Variants in RGS7 observed in about 807,000 individuals in gnomAD.
RGS7 encodes regulator of G-protein signaling 7.
Under a neutral mutation model 81.1 loss-of-function variants are expected in RGS7, and 27 were observed. That is an observed-to-expected ratio of 0.33 (90% CI 0.25 to 0.46). The LOEUF (loss-of-function observed/expected upper bound fraction) is 0.46, where lower values mean the gene tolerates loss of function less well. Among genes scored for constraint, RGS7 ranks in the 20% least tolerant of loss-of-function variants. The probability of loss-of-function intolerance (pLI) is 1.00; values close to 1 mark genes in which losing one functional copy is unlikely to be tolerated. For missense variants in RGS7, 396 were observed against 607.4 expected (o/e 0.65, Z 3.66); for synonymous variants, 208 against 207.7 (o/e 1.00, Z -0.01).
intron 2 of RGS7, among the ~76,000 whole-genome samples, chr1:241,113,383 T>C (rs1033765441): frequency 3.9e-5 from 6 of 152,208 alleles, no homozygotes; most frequent in African/African-American, 7.2e-5. Flanking sequence ...GTTAAAGTCA[T>C]AGAGACACCT....
chr1:241,280,079 G>A (rs576967730), intron 2 of RGS7, among the ~76,000 whole-genome samples: 1 of 152,308 alleles, frequency 6.6e-6, no homozygotes, highest in East Asian at 1.9e-4. Context: ...CTCAGAACAA[G>A]ATCTTACTTG....
intron 2 of RGS7, among the ~76,000 whole-genome samples, chr1:241,296,783 T>C (rs1031505260): frequency 6.6e-5 from 10 of 152,254 alleles, no homozygotes; most frequent in Non-Finnish European, 1.2e-4. Flanking sequence ...CTGCAAGCAC[T>C]GTCTGATTTG....
chr1:241,256,090 T>C (rs528585508), intron 2 of RGS7, among the ~76,000 whole-genome samples: 1 of 152,310 alleles, frequency 6.6e-6, no homozygotes, highest in South Asian at 2.1e-4. Flanking sequence ...GTTAACTAAT[T>C]GGGAATCCCT....
intron 2 of RGS7, among the ~76,000 whole-genome samples, chr1:241,341,581 A>G (rs1435488779): frequency 1.3e-5 from 2 of 152,054 alleles, no homozygotes; most frequent in African/African-American, 4.8e-5. Flanking sequence ...AAAGGAAGTA[A>G]AAAGGAAGGA....
chr1:241,130,730 C>T (rs941310290), intron 2 of RGS7, among the ~76,000 whole-genome samples: 2 of 150,060 alleles, frequency 1.3e-5, no homozygotes, highest in Non-Finnish European at 2.9e-5. Context: ...TTTTACAGGT[C>T]ATTTAACTTC....
chr1:240,859,608 C>T (rs1661823571), intron 9 of RGS7, among the ~76,000 whole-genome samples: 1 of 151,694 alleles, frequency 6.6e-6, no homozygotes, highest in Non-Finnish European at 1.5e-5. Flanking sequence ...CCCTTTATTC[C>T]TTAGTTAACC....
intron 2 of RGS7, among the ~76,000 whole-genome samples, chr1:241,184,575 A>T (rs1253662676): frequency 6.6e-6 from 1 of 152,236 alleles, no homozygotes; most frequent in African/African-American, 2.4e-5. Flanking sequence ...ACACATAAGT[A>T]CTTAACACAA....
chr1:241,149,032 C>T (rs1483053697), intron 2 of RGS7, among the ~76,000 whole-genome samples: 2 of 152,258 alleles, frequency 1.3e-5, no homozygotes, highest in Non-Finnish European at 1.5e-5. Context: ...AATGTCCTAT[C>T]TAGCACAAAT....
chr1:241,184,431 A>G (rs2071914312), intron 2 of RGS7, among the ~76,000 whole-genome samples: 1 of 152,200 alleles, frequency 6.6e-6, no homozygotes, highest in Admixed American at 6.5e-5. Flanking sequence ...CTCCAAAGGC[A>G]TCTCATAGGT....
intron 2 of RGS7, among the ~76,000 whole-genome samples, chr1:241,303,589 T>C (rs1050631437): frequency 6.6e-6 from 1 of 152,234 alleles, no homozygotes; most frequent in African/African-American, 2.4e-5. Context: ...TCATATTTCT[T>C]TGGTAAACCT....
chr1:240,936,869 T>C (rs1015702378), intron 4 of RGS7, among the ~76,000 whole-genome samples, 163 bp from the exon 5 acceptor site: 3 of 152,206 alleles, frequency 2.0e-5, no homozygotes, highest in Admixed American at 6.5e-5. Context: ...ATAAACTTCC[T>C]TGTCCCTTCT....
intron 4 of RGS7, among the ~76,000 whole-genome samples, chr1:240,963,436 T>C (rs1422550126): frequency 6.6e-6 from 1 of 152,088 alleles, no homozygotes; most frequent in Non-Finnish European, 1.5e-5. Flanking sequence ...ACCCTGAAAG[T>C]TAAGAGGCAA....
intron 2 of RGS7, among the ~76,000 whole-genome samples, chr1:241,112,171 G>A (rs1047068904): frequency 6.6e-6 from 1 of 151,994 alleles, no homozygotes; most frequent in South Asian, 2.1e-4. Flanking sequence ...TGAGGACTTT[G>A]GATTAAGTGT....
intron 2 of RGS7, among the ~76,000 whole-genome samples, chr1:241,199,557 A>G (rs1573093886): frequency 6.6e-6 from 1 of 152,174 alleles, no homozygotes; most frequent in Non-Finnish European, 1.5e-5. Flanking sequence ...TGTTACTTAC[A>G]TTTGACATGT....
At chr1:240,939,735 T>G (rs553045748) in intron 4 of RGS7, among the ~76,000 whole-genome samples, 1 of 151,872 alleles carries the variant, frequency 6.6e-6, no homozygotes, top group Non-Finnish European at 1.5e-5. Context: ...GGCAAGAAAA[T>G]AGCTCTTATC....
chr1:241,196,280 T>C (rs938379608), intron 2 of RGS7, among the ~76,000 whole-genome samples: 8 of 151,828 alleles, frequency 5.3e-5, no homozygotes, highest in African/African-American at 1.9e-4. Flanking sequence ...ATTCACAAAA[T>C]AAAAGCATTT....
At chr1:241,245,490 T>C (rs2076476101) in intron 2 of RGS7, among the ~76,000 whole-genome samples, 1 of 141,056 alleles carries the variant, frequency 7.1e-6, no homozygotes, top group Non-Finnish European at 1.5e-5. Flanking sequence ...CTCTTTTCCT[T>C]ATAAAAAAAA....
At chr1:241,222,919 G>A (rs1056652159) in intron 2 of RGS7, among the ~76,000 whole-genome samples, 12 of 151,622 alleles carry the variant, frequency 7.9e-5, no homozygotes, top group Non-Finnish European at 1.8e-4. Flanking sequence ...GCAGTGTTTG[G>A]TTTTCTGTTC....
At chr1:240,900,298 A>G (rs530108639) in intron 6 of RGS7, among the ~76,000 whole-genome samples, 7 of 152,290 alleles carry the variant, frequency 4.6e-5, no homozygotes, top group African/African-American at 1.4e-4. Context: ...CCAACTCCTC[A>G]AAGTCATTCT....
Sources: allele counts gnomAD v4.1 joint callset (sites outside exome capture counted in the v4.1 genomes callset), GRCh38; gene constraint gnomAD v4.1.1; transcripts MANE v1.5; gene names NCBI Gene and HGNC (gene_info 2026-07-23, HGNC 2026-07-21).